The following PCDHGA2 variants were observed in gnomAD, a reference collection of about 807,000 sequenced individuals.
PCDHGA2 encodes the protein protocadherin gamma subfamily A, 2, also known as protocadherin gamma-A2.
A neutral mutation model predicts 59.2 loss-of-function variants in PCDHGA2; 40 were observed. That is an observed-to-expected ratio of 0.68 (90% confidence interval 0.52 to 0.88). The LOEUF is 0.88. Among genes scored for constraint, PCDHGA2 ranks in the 40% least tolerant of loss-of-function variants. The probability of loss-of-function intolerance (pLI) is 0.00; values close to 1 mark genes in which losing one functional copy is unlikely to be tolerated. For synonymous variants in PCDHGA2, 560 were observed against 526.0 expected (o/e 1.06, Z -0.89); for missense variants, 1,226 against 1,204.0 (o/e 1.02, Z -0.27).
At chr5:141,451,561 C>T (rs1412657561) in intron 1 of PCDHGA2, among the ~76,000 whole-genome samples, 2 of 152,096 alleles carry the variant, frequency 1.3e-5, no homozygotes, top group Non-Finnish European at 2.9e-5. Flanking sequence ...ATGAAAGCCA[C>T]AATCTTTTTA....
intron 1 of PCDHGA2, chr5:141,352,607 A>G: frequency 6.2e-7 from 1 of 1,613,478 alleles, no homozygotes; most frequent in Non-Finnish European, 8.5e-7. Flanking sequence ...TGATCCTTCT[A>G]TGGTTGTATG....
At chr5:141,447,163 G>T (rs11167747) in intron 1 of PCDHGA2, among the ~76,000 whole-genome samples, 6,233 of 151,894 alleles carry the variant, frequency 0.041, 196 homozygotes, top group Admixed American at 0.075. Flanking sequence ...TGTTTAAGCG[G>T]GGTCTTGCTC....
At chr5:141,434,691 A>G (rs1263712056) in intron 1 of PCDHGA2, among the ~76,000 whole-genome samples, 2 of 152,150 alleles carry the variant, frequency 1.3e-5, no homozygotes. Flanking sequence ...GCTTGCTGTT[A>G]ATAAATATGT....
intron 1 of PCDHGA2, among the ~76,000 whole-genome samples, chr5:141,472,243 T>A (rs1276064128): frequency 6.6e-6 from 1 of 152,190 alleles, no homozygotes; most frequent in East Asian, 1.9e-4. Context: ...TCACTTTCTA[T>A]TTTAAAGTTA....
At position 141,381,826 on chromosome 5, in the gene PCDHGA2, CTTTTTTTT is replaced by C. The variant is rs770630741; in HGVS notation, c.2424+40446_2424+40453del. Among the ~76,000 whole-genome samples the C allele has an allele frequency of 3.5e-4, 26 of 74,290 alleles. 1 individual carries two copies. Among genetic ancestry groups the C allele is most frequent in the Admixed American group, 9.7e-4 (5 of 5,178 alleles). 48.7% of individuals were successfully genotyped at this position (74,290 alleles called of 152,430 possible). On this transcript the variant is annotated intron_variant, in intron 1 of 3. Transcript: ENST00000394576. Reference sequence around the variant, plus strand: ...TTTCTTTCTTTCTTTCTTTCTTCTTCTTTTTTTTTTTTTTTTTTTTTTGGCAGAGTTTT... The same window carrying C: ...TTTCTTTCTTTCTTTCTTTCTTCTTCTTTTTTTTTTTTTTGGCAGAGTTTT...
In PCDHGA2 at chr5:141,431,320, C is replaced by A. The variant is rs993831541; in HGVS notation, c.2425-63487C>A. ...CCCTCATCGTGCAAAATGGAGCCGA[C>A]GGTAGTAAGTACCCCGAATTGGTGC... On this transcript the variant is annotated intron_variant, in intron 1 of 3. Transcript: ENST00000394576. This position sits in a 1 kb window ranked among gnomAD's most constrained non-coding sequence, Gnocchi z 4.8. 1 of 1,614,102 alleles carries A rather than the reference C, an allele frequency of 6.2e-7. No individual in the cohort carries two copies. The highest frequency in any genetic ancestry group is 1.7e-5 in the Admixed American group (1 of 60,032).
At chr5:141,460,883 C>T (rs371847673) in intron 1 of PCDHGA2, among the ~76,000 whole-genome samples, 2 of 149,996 alleles carry the variant, frequency 1.3e-5, no homozygotes, top group East Asian at 2.0e-4. Context: ...TATTTCATGC[C>T]TTTTCGTGGC....
Position 141,491,755 on chromosome 5 carries a change from G to A in PCDHGA2, c.2425-3052G>A. On this transcript the variant is annotated intron_variant, in intron 1 of 3. Transcript: ENST00000394576. This position sits in a 1 kb window ranked among gnomAD's most constrained non-coding sequence, Gnocchi z 6.9. Reference sequence around the variant, plus strand: ...CCCTGGGGGCGGCACTGGAGAAGCCGCCCGTCCTCATAAGGGATTGAACTT... The same window carrying A: ...CCCTGGGGGCGGCACTGGAGAAGCCACCCGTCCTCATAAGGGATTGAACTT... 6 of 1,582,196 alleles carry A rather than the reference G, an allele frequency of 3.8e-6. No individual in the cohort carries two copies. The highest frequency in any genetic ancestry group is 5.1e-6 in the Non-Finnish European group (6 of 1,165,450).
chr5:141,344,885 G>A (rs1228850161), intron 1 of PCDHGA2: 2 of 1,613,908 alleles, frequency 1.2e-6, no homozygotes, highest in South Asian at 2.2e-5. Context: ...TAGATAAAAT[G>A]CCTGGGAAAA....
chr5:141,347,786 C>CAAA (rs1186221035), intron 1 of PCDHGA2, among the ~76,000 whole-genome samples: 1 of 106,298 alleles, frequency 9.4e-6, no homozygotes. Context: ...GACTCCATCT[C>CAAA]AAAAAAAAAA....
rs2099697598 is a variant in PCDHGA2 at position 141,490,236 on chromosome 5, C to T, written c.2425-4571C>T. On this transcript the variant is annotated intron_variant, in intron 1 of 3. Coordinates refer to ENST00000394576, the MANE Select transcript of PCDHGA2 (RefSeq NM_018915.4). This position sits in a 1 kb window ranked among gnomAD's most constrained non-coding sequence, Gnocchi z 5.4. ...ACCAGGGACAGCCTGCCATGGAGGG[C>T]CACTGTGTGATTCAAGTGGATGTGG... is the stretch of plus-strand genomic sequence containing the variant. 1 of 1,614,078 alleles carries T rather than the reference C, an allele frequency of 6.2e-7. No homozygotes were observed. The highest frequency in any genetic ancestry group is 1.1e-5 in the South Asian group (1 of 91,088).
chr5:141,477,378 C>A lies in PCDHGA2; in HGVS notation c.2425-17429C>A. On this transcript the variant is annotated intron_variant, in intron 1 of 3. Coordinates refer to ENST00000394576, the MANE Select transcript of PCDHGA2 (RefSeq NM_018915.4). This position sits in a 1 kb window ranked among gnomAD's most constrained non-coding sequence, Gnocchi z 4.9. ...GCAGACCTGGATCGGGAGACTGTGC[C>A]AGAATACAACCTCAGCATCACCGCC... 2 of 1,614,136 alleles carry A rather than the reference C, an allele frequency of 1.2e-6. No homozygotes were observed. Among genetic ancestry groups the A allele is most frequent in the Non-Finnish European group, 1.7e-6 (2 of 1,180,034 alleles).
intron 1 of PCDHGA2, chr5:141,372,748 C>A: frequency 1.1e-5 from 17 of 1,613,132 alleles, no homozygotes; most frequent in Non-Finnish European, 1.4e-5. Flanking sequence ...TGTGATGAAG[C>A]CTCTTGGTTT....
chr5:141,510,613 C>T (rs559713771), intron 3 of PCDHGA2, among the ~76,000 whole-genome samples: 17 of 152,298 alleles, frequency 1.1e-4, no homozygotes, highest in Admixed American at 2.0e-4. Context: ...TTAGCATTCA[C>T]TAAAACCAGA....
intron 1 of PCDHGA2, chr5:141,383,938 G>T (rs764534858): frequency 5.0e-6 from 8 of 1,613,866 alleles, no homozygotes; most frequent in Non-Finnish European, 5.9e-6. Context: ...TGCTCCAGAA[G>T]TGACTATGAC....
intron 1 of PCDHGA2, among the ~76,000 whole-genome samples, chr5:141,347,141 T>C (rs142025036): frequency 2.6e-4 from 23 of 90,044 alleles, no homozygotes; most frequent in South Asian, 1.9e-3. Flanking sequence ...GTTTCTCTCT[T>C]TCTTTCTTTC....
chr5:141,348,394 C>A (rs1169236382), intron 1 of PCDHGA2, among the ~76,000 whole-genome samples: 2 of 152,068 alleles, frequency 1.3e-5, no homozygotes, highest in Non-Finnish European at 2.9e-5. Context: ...CATAGCATGA[C>A]CCTGTCTCAA....
At chr5:141,383,559 G>C in intron 1 of PCDHGA2, 1 of 1,612,810 alleles carries the variant, frequency 6.2e-7, no homozygotes, top group Non-Finnish European at 8.5e-7. Context: ...GCGGCGACCC[G>C]CCCCGATCCA....
At chr5:141,470,078 G>C (rs542998375) in intron 1 of PCDHGA2, among the ~76,000 whole-genome samples, 21 of 152,182 alleles carry the variant, frequency 1.4e-4, no homozygotes, top group Non-Finnish European at 2.9e-4. Context: ...GTAGTGATCT[G>C]AGATCATGCC....
Sources: gnomAD v4.1 joint callset for allele counts (sites outside exome capture counted in the v4.1 genomes callset) on GRCh38, gnomAD v4.1.1 for gene constraint, Gnocchi (gnomAD v3.1) non-coding constraint, MANE v1.5 for transcripts, NCBI Gene and HGNC (gene_info 2026-07-23, HGNC 2026-07-21) for gene names.